The following SGCZ variants were observed in gnomAD, a reference collection of about 807,000 sequenced individuals.
SGCZ encodes the protein sarcoglycan zeta.
SGCZ carries 40 observed loss-of-function variants against 41.3 expected under a neutral mutation model. That is an observed-to-expected ratio of 0.97 (90% CI 0.75 to 1.26). The LOEUF is 1.26. SGCZ is among the 50% of genes most tolerant of loss of function. The pLI is 0.00. For missense variants in SGCZ, 552 were observed against 369.8 expected (o/e 1.49, Z -4.04); for synonymous variants, 206 against 137.5 (o/e 1.50, Z -3.49).
At chr8:14,702,923 AG>A (rs1469461531) in intron 1 of SGCZ, among the ~76,000 whole-genome samples, 1 of 127,466 alleles carries the variant, frequency 7.8e-6, no homozygotes, top group Non-Finnish European at 1.7e-5. Context: ...GTAGTTAGGT[AG>A]GTAGATAGAT....
intron 1 of SGCZ, among the ~76,000 whole-genome samples, chr8:14,737,116 T>TA (rs200005039): frequency 1.4e-5 from 2 of 141,630 alleles, no homozygotes; most frequent in African/African-American, 2.6e-5. Context: ...ATACATAAGA[T>TA]TTATATCTAT....
intron 5 of SGCZ, among the ~76,000 whole-genome samples, chr8:14,119,903 G>T (rs1024494247): frequency 5.3e-5 from 8 of 152,236 alleles, no homozygotes; most frequent in African/African-American, 1.9e-4. Flanking sequence ...TGCATCCCAG[G>T]GATGAAGCCC....
At chr8:14,428,133 C>T (rs1370044409) in intron 2 of SGCZ, among the ~76,000 whole-genome samples, 19 of 12,548 alleles carry the variant, frequency 1.5e-3, no homozygotes, top group Non-Finnish European at 1.4e-3. Flanking sequence ...CACACACACA[C>T]ATATATATAT....
intron 1 of SGCZ, among the ~76,000 whole-genome samples, chr8:14,914,993 A>G (rs774251544): frequency 6.6e-6 from 1 of 152,172 alleles, no homozygotes; most frequent in Non-Finnish European, 1.5e-5. Flanking sequence ...GGCAATGAGC[A>G]TGACATATCT....
intron 1 of SGCZ, among the ~76,000 whole-genome samples, chr8:14,966,108 T>A (rs2061982): frequency 0.022 from 3,407 of 151,792 alleles, 140 homozygotes; most frequent in African/African-American, 0.077. Flanking sequence ...TGAAAAGCTA[T>A]AAGAAAGGCT....
At chr8:15,130,189 A>G (rs1265448962) in intron 1 of SGCZ, among the ~76,000 whole-genome samples, 1 of 152,108 alleles carries the variant, frequency 6.6e-6, no homozygotes, top group Non-Finnish European at 1.5e-5. Flanking sequence ...TGCTGCTCCT[A>G]AAGGCTCCTG....
chr8:14,827,684 T>C (rs1289895443), intron 1 of SGCZ, among the ~76,000 whole-genome samples: 2 of 152,188 alleles, frequency 1.3e-5, no homozygotes, highest in Non-Finnish European at 2.9e-5. Context: ...GCCTTAAATA[T>C]TTACTATCTA....
chr8:15,139,858 C>G (rs1029515012), intron 1 of SGCZ, among the ~76,000 whole-genome samples: 1 of 152,098 alleles, frequency 6.6e-6, no homozygotes, highest in African/African-American at 2.4e-5. Context: ...ACGGTAGTCA[C>G]TGAAGTTCCC....
At chr8:14,898,480 T>C (rs1805286075) in intron 1 of SGCZ, among the ~76,000 whole-genome samples, 1 of 152,176 alleles carries the variant, frequency 6.6e-6, no homozygotes, top group African/African-American at 2.4e-5. Context: ...TGAGAAGATA[T>C]TGGGCCAGGG....
At chr8:14,904,522 A>T (rs1054303823) in intron 1 of SGCZ, among the ~76,000 whole-genome samples, 17 of 152,060 alleles carry the variant, frequency 1.1e-4, no homozygotes, top group African/African-American at 3.1e-4. Flanking sequence ...TTTTACCTTG[A>T]ATAATTCATT....
At chr8:14,974,459 C>T (rs941104809) in intron 1 of SGCZ, among the ~76,000 whole-genome samples, 7 of 152,166 alleles carry the variant, frequency 4.6e-5, no homozygotes, top group African/African-American at 1.7e-4. Flanking sequence ...AAAGAGAAAT[C>T]GCTAACCTGA....
At position 14,301,744 on chromosome 8, in the gene SGCZ, G is replaced by T. The variant is rs117088148; in HGVS notation, c.336+22359C>A. ...TGAGAAGAATAACTTGCAATTTTTG[G>T]AAACATGAAACTGACTTTAATTTTT... On this transcript the variant is annotated intron_variant, in intron 3 of 7. Coordinates refer to ENST00000382080, the MANE Select transcript of SGCZ (RefSeq NM_139167.4). Among the ~76,000 whole-genome samples, 112 of 152,204 alleles carry T rather than the reference G, an allele frequency of 7.4e-4. 2 individuals are homozygous for T. The East Asian group carries it at 0.016, about 21-fold the overall frequency.
At chr8:14,366,899 G>C (rs1360955791) in intron 2 of SGCZ, among the ~76,000 whole-genome samples, 1 of 152,136 alleles carries the variant, frequency 6.6e-6, no homozygotes, top group Non-Finnish European at 1.5e-5. Flanking sequence ...CATGAGGTCT[G>C]TAACATACCC....
intron 1 of SGCZ, among the ~76,000 whole-genome samples, chr8:15,205,367 G>T (rs1049411838): frequency 6.6e-6 from 1 of 152,110 alleles, no homozygotes; most frequent in Non-Finnish European, 1.5e-5. Context: ...TCTGACAAAG[G>T]TCTAATATCC....
At chr8:14,358,449 A>T (rs1803373880) in intron 2 of SGCZ, among the ~76,000 whole-genome samples, 1 of 152,130 alleles carries the variant, frequency 6.6e-6, no homozygotes, top group Non-Finnish European at 1.5e-5. Flanking sequence ...CTGTCACCAG[A>T]TGGTAACGCA....
At chr8:14,317,629 G>C (rs1476326232) in intron 3 of SGCZ, among the ~76,000 whole-genome samples, 1 of 151,832 alleles carries the variant, frequency 6.6e-6, no homozygotes, top group Non-Finnish European at 1.5e-5. Flanking sequence ...ATGCTTATAA[G>C]GAGAAGATTG....
chr8:14,925,513 T>C (rs942690656), intron 1 of SGCZ, among the ~76,000 whole-genome samples: 1 of 152,196 alleles, frequency 6.6e-6, no homozygotes, highest in African/African-American at 2.4e-5. Flanking sequence ...TAAGTTTTCA[T>C]TCTCAAGGAG....
chr8:14,884,028 T>C (rs2130729134), intron 1 of SGCZ, among the ~76,000 whole-genome samples: 1 of 152,222 alleles, frequency 6.6e-6, no homozygotes, highest in East Asian at 1.9e-4. Flanking sequence ...GAGCCAACCA[T>C]TTGTTTTGTC....
chr8:14,934,264 A>G (rs752479588), intron 1 of SGCZ, among the ~76,000 whole-genome samples: 1 of 152,012 alleles, frequency 6.6e-6, no homozygotes, highest in Non-Finnish European at 1.5e-5. Flanking sequence ...ACAGCAGAAT[A>G]AAATCTGCAG....
Sources: allele counts gnomAD v4.1 joint callset (sites outside exome capture counted in the v4.1 genomes callset), GRCh38; gene constraint gnomAD v4.1.1; transcripts MANE v1.5; gene names NCBI Gene and HGNC (gene_info 2026-07-23, HGNC 2026-07-21).